DMXL1: variants seen among roughly 807,000 people sequenced by gnomAD.
DMXL1 encodes Dmx like 1, also known as dmX-like protein 1.
A neutral mutation model predicts 319.2 loss-of-function variants in DMXL1; 99 were observed. The observed-to-expected ratio is 0.31, with a 90% CI of 0.26 to 0.37. The LOEUF is 0.37. Among genes scored for constraint, DMXL1 ranks in the 10% least tolerant of loss-of-function variants. The probability of loss-of-function intolerance (pLI) is 1.00; values close to 1 mark genes in which losing one functional copy is unlikely to be tolerated. For synonymous variants in DMXL1, 1,385 were observed against 1,235.2 expected (o/e 1.12, Z -2.54); for missense variants, 3,745 against 3,595.6 (o/e 1.04, Z -1.06).
Position 119,147,261 on chromosome 5 carries a change from A to G in DMXL1, c.2702A>G (p.Asp901Gly), listed in dbSNP as rs769891671. 5 of 1,612,540 alleles carry G rather than the reference A, an allele frequency of 3.1e-6. No homozygotes were observed. The South Asian group carries it at 5.5e-5, about 18-fold the overall frequency. Residue 901 changes from aspartate (D) to glycine (G), a missense_variant, in exon 17 of 44, where the codon GAT becomes GGT. Transcript: ENST00000539542. ...TTATGTTTTGTAGATGAAAAAGTAG[A>G]TACAAAATTATCCGAAGCGGTTTGG... ...SIPVSLDEKV[D>G]TKLSEAVWQP...
chr5:119,165,065 T>G, intron 20 of DMXL1, 118 bp from the exon 21 acceptor site: 1 of 643,948 alleles, frequency 1.6e-6, no homozygotes, highest in Non-Finnish European at 2.7e-6. Flanking sequence ...ATTATTCATA[T>G]ACATATTTTT....
intron 25 of DMXL1, among the ~76,000 whole-genome samples, chr5:119,173,719 T>C (rs1397309795): frequency 8.2e-6 from 1 of 121,318 alleles, no homozygotes; most frequent in African/African-American, 2.8e-5. Context: ...TGTGTGTGTG[T>C]ATATATATAT....
chr5:119,219,561 A>AT lies in DMXL1; in HGVS notation c.8014-909dup, dbSNP rs201535656. 7.7e-3 allele frequency among the ~76,000 whole-genome samples: 1,158 copies of AT among 151,182 alleles called. 11 individuals are homozygous for AT. Among genetic ancestry groups the AT allele is most frequent in the African/African-American group, 0.027 (1,116 of 40,768 alleles). On this transcript the variant is annotated intron_variant, in intron 35 of 43. Transcript: ENST00000539542. The stretch of plus-strand genomic sequence containing the variant: ...TGTTTCAAAGATACACATTTAATTA[A>AT]TTAATTAATTTATTTATTTATTTAT...
At chr5:119,073,844 C>T (rs1462975393) in intron 1 of DMXL1, among the ~76,000 whole-genome samples, 1 of 151,952 alleles carries the variant, frequency 6.6e-6, no homozygotes, top group Non-Finnish European at 1.5e-5. Flanking sequence ...TTAAATTTTT[C>T]TCTCTTGAAA....
chr5:119,201,718 A>G (rs2150442984), intron 32 of DMXL1, among the ~76,000 whole-genome samples: 1 of 152,164 alleles, frequency 6.6e-6, no homozygotes, highest in East Asian at 1.9e-4. Context: ...TTTGGTTGGT[A>G]TGCTATTCAT....
intron 1 of DMXL1, among the ~76,000 whole-genome samples, chr5:119,088,648 T>C (rs111347538): frequency 0.033 from 4,987 of 152,288 alleles, 258 homozygotes; most frequent in African/African-American, 0.11. Flanking sequence ...TTTTAAAGTA[T>C]TTATTATTGG....
At chr5:119,185,325 C>T (rs1012931266) in intron 28 of DMXL1, among the ~76,000 whole-genome samples, 1 of 152,064 alleles carries the variant, frequency 6.6e-6, no homozygotes, top group Non-Finnish European at 1.5e-5. Context: ...CGTGGAGACT[C>T]CCTTGCTCTG....
intron 13 of DMXL1, among the ~76,000 whole-genome samples, chr5:119,142,435 A>G (rs1397408453): frequency 1.3e-5 from 2 of 151,856 alleles, no homozygotes; most frequent in African/African-American, 2.4e-5. Context: ...AAAAAGCTCA[A>G]TCACTGATCA....
intron 34 of DMXL1, among the ~76,000 whole-genome samples, chr5:119,215,406 C>T (rs1783504300): frequency 6.6e-6 from 1 of 152,094 alleles, no homozygotes; most frequent in South Asian, 2.1e-4. Flanking sequence ...CTCCTGGGTT[C>T]AAGTGATTCT....
At chr5:119,172,628 A>T (rs760910509) in intron 25 of DMXL1, among the ~76,000 whole-genome samples, 2 of 152,172 alleles carry the variant, frequency 1.3e-5, no homozygotes, top group African/African-American at 2.4e-5. Context: ...CCTATTCATC[A>T]TTACTTTATC....
chr5:119,149,789 C>T lies in DMXL1; in HGVS notation c.3962C>T (p.Thr1321Ile), dbSNP rs745479762. 2 of 1,613,962 alleles carry T rather than the reference C, an allele frequency of 1.2e-6. No homozygotes were observed. The highest frequency in any genetic ancestry group is 2.7e-5 in the African/African-American group (2 of 75,038). The change falls in exon 18 of 44, where the codon ACT (threonine) becomes ATT (isoleucine). Residue 1321 changes from threonine to isoleucine, a missense_variant. Transcript: ENST00000539542. ...GAAGCAGCTCATGTACTTTCCCCGA[C>T]TCTACCTCAGTATCATCCCTTGCAG... ...LFEAAHVLSP[T>I]LPQYHPLQLL... is the part of the protein sequence containing the mutation.
In DMXL1 at chr5:119,164,574, G is replaced by A. The variant is rs1354651028; in HGVS notation, c.4770G>A (p.Leu1590=). 6.2e-7 allele frequency: 1 copy of A among 1,614,040 alleles called. No individual in the cohort carries two copies. Among genetic ancestry groups the A allele is most frequent in the Non-Finnish European group, 8.5e-7 (1 of 1,180,014 alleles). ...CAGAAGAAGAACTGCTGAACATGTT[G>A]CCAGCCATGCAGAAAGATGATCCCA... ...SVAEEELLNM[L]PAMQKDDPTW... is the part of the protein sequence containing the mutation. Residue 1590 remains leucine, a synonymous_variant, in exon 20 of 44, where the codon TTG becomes TTA. Coordinates refer to ENST00000539542, the MANE Select transcript of DMXL1 (RefSeq NM_001290321.3).
In DMXL1 at chr5:119,075,736, C is replaced by CA. The variant is rs938898684; in HGVS notation, c.87+4089dup. On this transcript the variant is annotated intron_variant, in intron 1 of 43. Coordinates refer to ENST00000539542, the MANE Select transcript of DMXL1 (RefSeq NM_001290321.3). ...AATCTGGTCTTTTTTAAAAAAAAAA[C>CA]AAAAAAAAATGGAGGCTGGGGTCTC... Among the ~76,000 whole-genome samples, 62 of 146,634 alleles carry CA rather than the reference C, an allele frequency of 4.2e-4. 1 individual carries two copies. Among genetic ancestry groups the CA allele is most frequent in the Middle Eastern group, 6.9e-3 (2 of 288 alleles).
chr5:119,216,377 G>T (rs943976608), intron 34 of DMXL1, among the ~76,000 whole-genome samples: 1 of 152,014 alleles, frequency 6.6e-6, no homozygotes, highest in African/African-American at 2.4e-5. Context: ...AGAATTTCAG[G>T]TTTCTCTATA....
chr5:119,204,113 C>T (rs899652233), intron 33 of DMXL1, among the ~76,000 whole-genome samples: 2 of 151,992 alleles, frequency 1.3e-5, no homozygotes, highest in African/African-American at 2.4e-5. Flanking sequence ...TGAACCACCA[C>T]GCCCGGCCTG....
chr5:119,141,800 T>A (rs1323101490), intron 13 of DMXL1, among the ~76,000 whole-genome samples: 1 of 152,146 alleles, frequency 6.6e-6, no homozygotes, highest in African/African-American at 2.4e-5. Context: ...AGAGGCTGTG[T>A]AGCCAAGGCA....
In DMXL1 at chr5:119,199,865, G is replaced by A. The variant is rs547085344; in HGVS notation, c.7745+1909G>A. On this transcript the variant is annotated intron_variant, in intron 32 of 43. Coordinates refer to ENST00000539542, the MANE Select transcript of DMXL1 (RefSeq NM_001290321.3). ...GCTTTTTTCTTAGGCTTATTGGCAC[G>A]TACGTCTTCTTGTGCAAAGTGTCTG... Among the ~76,000 whole-genome samples the A allele has an allele frequency of 2.6e-5, 4 of 152,180 alleles. No homozygotes were observed. The East Asian group carries it at 5.8e-4, about 22-fold the overall frequency.
intron 31 of DMXL1, among the ~76,000 whole-genome samples, chr5:119,196,763 C>G (rs1216971950): frequency 6.6e-6 from 1 of 151,932 alleles, no homozygotes; most frequent in Non-Finnish European, 1.5e-5. Flanking sequence ...TAAGCAAATG[C>G]AAAAGCTAGC....
At chr5:119,137,628 G>A (rs1411125682) in intron 13 of DMXL1, among the ~76,000 whole-genome samples, 1 of 152,188 alleles carries the variant, frequency 6.6e-6, no homozygotes, top group East Asian at 1.9e-4. Context: ...TTGCATTATA[G>A]TGAGCAAGTT....
Sources: allele counts gnomAD v4.1 joint callset (sites outside exome capture counted in the v4.1 genomes callset), GRCh38; gene constraint gnomAD v4.1.1; transcripts MANE v1.5; gene names NCBI Gene and HGNC (gene_info 2026-07-23, HGNC 2026-07-21).